Variants in KIF6 observed in about 807,000 individuals in gnomAD.
KIF6 encodes kinesin family member 6, also known as kinesin-like protein KIF6.
A neutral mutation model predicts 112.7 loss-of-function variants in KIF6; 106 were observed. That is an observed-to-expected ratio of 0.94 (90% CI 0.80 to 1.11). The LOEUF (loss-of-function observed/expected upper bound fraction) is 1.11, where lower values mean the gene tolerates loss of function less well. Ranked by LOEUF, KIF6 falls within the 50% of genes least tolerant of loss-of-function variation. The pLI is 0.00. For synonymous variants in KIF6, 339 were observed against 339.9 expected, an observed-to-expected ratio of 1.00 and a Z score of 0.03; for missense variants, 929 against 964.0, an observed-to-expected ratio of 0.96 and a Z score of 0.48.
At chr6:39,424,115 A>G (rs1032765793) in intron 14 of KIF6, among the ~76,000 whole-genome samples, 10 of 151,936 alleles carry the variant, frequency 6.6e-5, no homozygotes, top group African/African-American at 1.9e-4. Flanking sequence ...ATCCCCCACA[A>G]CATTCCCAGG....
At position 39,579,481 on chromosome 6, in the gene KIF6, C is replaced by T. The variant is rs144561916; in HGVS notation, c.1078-1322G>A. On this transcript the variant is annotated intron_variant, in intron 9 of 22. Transcript: ENST00000287152. The stretch of plus-strand genomic sequence containing the variant: ...TTCTATATTCTGGATGTGAATCCTT[C>T]GTTAGTTTTATGCAATGCACCTGTT... Among the ~76,000 whole-genome samples the T allele has an allele frequency of 4.0e-3, 608 of 152,062 alleles. 6 individuals are homozygous for T. Among genetic ancestry groups the T allele is most frequent in the Admixed American group, 0.013 (199 of 15,274 alleles).
intron 5 of KIF6, among the ~76,000 whole-genome samples, chr6:39,633,602 G>C (rs980474067): frequency 3.3e-5 from 5 of 152,012 alleles, no homozygotes; most frequent in African/African-American, 1.2e-4. Context: ...TTTTCAAATG[G>C]GCTTCTTTTA....
At chr6:39,489,431 A>G (rs1200201376) in intron 13 of KIF6, among the ~76,000 whole-genome samples, 1 of 152,170 alleles carries the variant, frequency 6.6e-6, no homozygotes, top group Admixed American at 6.5e-5. Flanking sequence ...GATGTTATTA[A>G]TAAATCATCT....
intron 10 of KIF6, among the ~76,000 whole-genome samples, chr6:39,559,706 C>T (rs1169157480): frequency 6.6e-6 from 1 of 151,976 alleles, no homozygotes; most frequent in Admixed American, 6.6e-5. Context: ...CGTTTATTGA[C>T]TGCCTATTGT....
intron 2 of KIF6, among the ~76,000 whole-genome samples, chr6:39,719,955 C>T (rs917003237): frequency 2.6e-5 from 4 of 151,956 alleles, no homozygotes; most frequent in Non-Finnish European, 4.4e-5. Flanking sequence ...TGCACTCCAG[C>T]CTGGGTGACA....
In KIF6 at chr6:39,539,973, T is replaced by A. The variant is rs751852853; in HGVS notation, c.1645+30A>T. The A allele has an allele frequency of 5.9e-6, 9 of 1,518,970 alleles. No individual in the cohort carries two copies. In the East Asian group the frequency reaches 1.8e-4, roughly 31 times the overall value. 94.1% of individuals were successfully genotyped at this position (1,518,970 alleles called of 1,614,324 possible). On this transcript the variant is annotated intron_variant, in intron 13 of 22. Coordinates refer to ENST00000287152, the MANE Select transcript of KIF6 (RefSeq NM_145027.6). ...CTACATCGAAATCCATTACAGACAATGAGAAATACTGGAAATTTAGTCAAC... is the reference window on the plus strand; with the variant it reads ...CTACATCGAAATCCATTACAGACAAAGAGAAATACTGGAAATTTAGTCAAC...
chr6:39,403,309 C>T (rs1026466033), intron 15 of KIF6, among the ~76,000 whole-genome samples: 2 of 152,184 alleles, frequency 1.3e-5, no homozygotes, highest in Admixed American at 6.5e-5. Context: ...CCCCTGGACT[C>T]CCTCACAAGG....
intron 19 of KIF6, 27 bp from the exon 20 acceptor site, chr6:39,346,553 G>A: frequency 1.4e-6 from 1 of 693,744 alleles, no homozygotes; most frequent in Non-Finnish European, 2.6e-6. Context: ...TTTGTTGTTT[G>A]AGCCACTCAG....
At chr6:39,382,252 T>C (rs144939980) in intron 16 of KIF6, among the ~76,000 whole-genome samples, 3 of 152,342 alleles carry the variant, frequency 2.0e-5, no homozygotes, top group African/African-American at 4.8e-5. Flanking sequence ...TGGGCTTGTA[T>C]TGATCTCGTC....
At chr6:39,452,590 G>A (rs1772776753) in intron 13 of KIF6, among the ~76,000 whole-genome samples, 1 of 152,152 alleles carries the variant, frequency 6.6e-6, no homozygotes, top group South Asian at 2.1e-4. Context: ...TCCCAGTCTG[G>A]CACAAAAGTG....
At chr6:39,493,064 A>C (rs1775564146) in intron 13 of KIF6, among the ~76,000 whole-genome samples, 1 of 152,178 alleles carries the variant, frequency 6.6e-6, no homozygotes, top group Non-Finnish European at 1.5e-5. Context: ...TACATTTATT[A>C]AACATTATAT....
At chr6:39,445,105 G>A (rs889383493) in intron 13 of KIF6, among the ~76,000 whole-genome samples, 3 of 152,178 alleles carry the variant, frequency 2.0e-5, no homozygotes, top group Non-Finnish European at 4.4e-5. Context: ...AATTAAGTAC[G>A]GTAATTATCT....
intron 13 of KIF6, among the ~76,000 whole-genome samples, chr6:39,495,806 T>C (rs868204692): frequency 7.2e-5 from 11 of 152,106 alleles, no homozygotes; most frequent in African/African-American, 2.2e-4. Flanking sequence ...CTATACTTCA[T>C]GGAGAGGAGA....
Position 39,478,772 on chromosome 6 carries a change from T to A in KIF6, c.1646-47611A>T, listed in dbSNP as rs368287049. On this transcript the variant is annotated intron_variant, in intron 13 of 22. Transcript: ENST00000287152. ...CATCCATGCCAACATCTATTTTTTT[T>A]AAATTTTTTGATTATGGCCATTCTT... Among the ~76,000 whole-genome samples the A allele has an allele frequency of 1.7e-4, 26 of 151,922 alleles. 1 individual carries two copies. Among genetic ancestry groups the A allele is most frequent in the South Asian group, 6.3e-4 (3 of 4,794 alleles).
chr6:39,596,648 C>T (rs1310573575), intron 6 of KIF6, among the ~76,000 whole-genome samples: 1 of 152,128 alleles, frequency 6.6e-6, no homozygotes, highest in East Asian at 1.9e-4. Context: ...AATTCATGAT[C>T]ACAATTGTAA....
chr6:39,705,808 T>C (rs1289523494), intron 3 of KIF6, among the ~76,000 whole-genome samples: 1 of 152,212 alleles, frequency 6.6e-6, no homozygotes, highest in Non-Finnish European at 1.5e-5. Flanking sequence ...TCCCAGTTGC[T>C]TACAGTGGTA....
chr6:39,605,189 C>T (rs558560516), intron 6 of KIF6, among the ~76,000 whole-genome samples: 40 of 152,154 alleles, frequency 2.6e-4, no homozygotes, highest in Non-Finnish European at 3.5e-4. Flanking sequence ...TCTGCCCAAC[C>T]CCCTGCTGTA....
At chr6:39,572,959 T>C (rs193173840) in intron 10 of KIF6, among the ~76,000 whole-genome samples, 201 of 150,352 alleles carry the variant, frequency 1.3e-3, no homozygotes, top group African/African-American at 4.6e-3. Flanking sequence ...AAAAATCTGA[T>C]AGGGCTAGTC....
intron 13 of KIF6, among the ~76,000 whole-genome samples, chr6:39,532,390 T>C (rs1482551639): frequency 6.6e-6 from 1 of 152,136 alleles, no homozygotes; most frequent in East Asian, 1.9e-4. Flanking sequence ...CTATAAATTA[T>C]TTGTTGAATG....
Sources: allele counts gnomAD v4.1 joint callset (sites outside exome capture counted in the v4.1 genomes callset), GRCh38; gene constraint gnomAD v4.1.1; transcripts MANE v1.5; gene names NCBI Gene and HGNC (gene_info 2026-07-23, HGNC 2026-07-21).